RIF1: variants seen among roughly 807,000 people sequenced by gnomAD.
The protein encoded by RIF1 is telomere-associated protein RIF1.
A neutral mutation model predicts 247.1 loss-of-function variants in RIF1; 45 were observed. The ratio of observed to expected loss-of-function variants is 0.18; its 90% CI spans 0.14 to 0.23. The LOEUF (loss-of-function observed/expected upper bound fraction) is 0.23. RIF1 is among the 10% of genes least tolerant of loss of function. The pLI, the probability that RIF1 is intolerant of heterozygous loss-of-function variation, is 1.00. For missense variants in RIF1, 2,967 were observed against 2,862.5 expected (o/e 1.04, Z -0.83); for synonymous variants, 1,087 against 978.8 (o/e 1.11, Z -2.06).
chr2:151,534,226 G>A, the RIF1 span: 2 of 1,613,192 alleles, frequency 1.2e-6, no homozygotes, highest in Non-Finnish European at 1.7e-6. Context: ...TGACTGATCT[G>A]GTCGCCTGCG....
the RIF1 span, among the ~76,000 whole-genome samples, chr2:151,532,325 G>C: frequency 1.3e-5 from 2 of 152,108 alleles, no homozygotes; most frequent in African/African-American, 4.8e-5. Flanking sequence ...ACTAGAACCT[G>C]TTCTCTGGAG....
the RIF1 span, among the ~76,000 whole-genome samples, chr2:151,530,260 G>C: frequency 1.4e-4 from 21 of 152,138 alleles, no homozygotes; most frequent in African/African-American, 4.3e-4. Flanking sequence ...GGTATATGTG[G>C]GTTTGGATAG....
At chr2:151,411,484 C>A in intron 3 of RIF1, 146 bp downstream of exon 3, 1 of 559,760 alleles carries the variant, frequency 1.8e-6, no homozygotes, top group Non-Finnish European at 3.2e-6. Context: ...CTCACTGAAA[C>A]CTCCGCCTCT....
chr2:151,423,602 A>G (rs1035533705), intron 8 of RIF1: 3 of 152,622 alleles, frequency 2.0e-5, no homozygotes, highest in South Asian at 2.1e-4. Flanking sequence ...CAGGTTATAT[A>G]TTGAACAGCT....
chr2:151,437,584 G>A (rs1325837351), intron 13 of RIF1, among the ~76,000 whole-genome samples: 1 of 152,104 alleles, frequency 6.6e-6, no homozygotes, highest in Non-Finnish European at 1.5e-5. Context: ...CCAGCTACTC[G>A]GGAGGCGGAG....
In RIF1 at chr2:151,463,156, A is replaced by G; in HGVS notation, c.3636A>G (p.Pro1212=). The stretch of plus-strand genomic sequence containing the variant: ...ATACCACTGTTGCTGGAACTCCCCC[A>G]TACCCTACAAGTCGGAGGCAAACCT... ...VSNTTVAGTP[P]YPTSRRQTFI... is the part of the protein sequence containing the mutation. Residue 1212 remains proline, a synonymous_variant, in exon 30 of 36, where the codon CCA becomes CCG. Coordinates refer to ENST00000444746, the MANE Select transcript of RIF1 (RefSeq NM_018151.5). 1 of 1,614,142 alleles carries G rather than the reference A, an allele frequency of 6.2e-7. No homozygotes were observed. Among genetic ancestry groups the G allele is most frequent in the Non-Finnish European group, 8.5e-7 (1 of 1,180,004 alleles).
At chr2:151,497,649 G>C in intron 10 of RIF1, 1 of 1,581,316 alleles carries the variant, frequency 6.3e-7, no homozygotes, top group South Asian at 1.2e-5. Context: ...TCTTGATTGT[G>C]TTTGACTCTT....
chr2:151,500,680 T>TTGAC (rs958853270), intron 11 of RIF1, among the ~76,000 whole-genome samples: 3 of 148,072 alleles, frequency 2.0e-5, no homozygotes, highest in African/African-American at 7.4e-5. Flanking sequence ...CACTGCAGCC[T>TTGAC]TGACTTCCTA....
At chr2:151,439,971 T>TAAAAA (rs1451909950) in intron 14 of RIF1, 56 bp from the exon 15 acceptor site, 2 of 363,624 alleles carry the variant, frequency 5.5e-6, no homozygotes, top group African/African-American at 7.0e-5. Flanking sequence ...AGACCCTGTC[T>TAAAAA]CAAAAAAAAA....
intron 9 of RIF1, chr2:151,493,286 GT>G: frequency 8.1e-7 from 1 of 1,235,908 alleles, no homozygotes; most frequent in Admixed American, 2.1e-5. Context: ...AGAAAGGCGT[GT>G]TTTTATGATG....
intron 9 of RIF1, chr2:151,490,047 G>A: frequency 1.2e-6 from 2 of 1,612,616 alleles, no homozygotes; most frequent in Non-Finnish European, 1.7e-6. Flanking sequence ...TCGTTGTTGT[G>A]GGAGCTCTGT....
intron 20 of RIF1, among the ~76,000 whole-genome samples, chr2:151,447,504 T>C (rs573738863): frequency 6.6e-6 from 1 of 152,334 alleles, no homozygotes; most frequent in South Asian, 2.1e-4. Context: ...CTGTCTAGTA[T>C]TCTGTAGTAT....
At chr2:151,471,856 C>CT (rs2048561536) in intron 34 of RIF1, among the ~76,000 whole-genome samples, 1 of 152,098 alleles carries the variant, frequency 6.6e-6, no homozygotes, top group East Asian at 1.9e-4. Flanking sequence ...AATGCGGGCT[C>CT]TTTTTTCGTT....
At chr2:151,441,093 T>A (rs958837090) in intron 15 of RIF1, among the ~76,000 whole-genome samples, 3 of 152,144 alleles carry the variant, frequency 2.0e-5, no homozygotes, top group African/African-American at 7.2e-5. Flanking sequence ...CATGCTGACA[T>A]GCCTCTAGTC....
intron 13 of RIF1, among the ~76,000 whole-genome samples, chr2:151,507,547 C>T (rs1193823960): frequency 6.6e-6 from 1 of 152,216 alleles, no homozygotes; most frequent in Non-Finnish European, 1.5e-5. Flanking sequence ...AGAATCTGAA[C>T]AAACAGCCAT....
intron 20 of RIF1, among the ~76,000 whole-genome samples, chr2:151,446,888 A>G (rs1693367149): frequency 6.6e-6 from 1 of 151,812 alleles, no homozygotes; most frequent in Non-Finnish European, 1.5e-5. Flanking sequence ...TTAGATCTTT[A>G]AATTCAATCC....
downstream of RIF1, among the ~76,000 whole-genome samples, chr2:151,509,222 C>T (rs551129164): frequency 1.3e-5 from 2 of 152,136 alleles, no homozygotes; most frequent in East Asian, 1.9e-4. Context: ...TAAATGGAAG[C>T]GAATTAAAGC....
chr2:151,437,850 A>G (rs920772580), intron 13 of RIF1, among the ~76,000 whole-genome samples: 5 of 152,238 alleles, frequency 3.3e-5, no homozygotes, highest in Admixed American at 2.6e-4. Context: ...CAGGAAGTAC[A>G]TAAGTTATGC....
chr2:151,469,216 C>T (rs1468331355), intron 33 of RIF1, among the ~76,000 whole-genome samples: 1 of 152,120 alleles, frequency 6.6e-6, no homozygotes, highest in Non-Finnish European at 1.5e-5. Flanking sequence ...AACTTAAATG[C>T]GTGCATGTAG....
Sources: gnomAD v4.1 joint callset for allele counts (sites outside exome capture counted in the v4.1 genomes callset) on GRCh38, gnomAD v4.1.1 for gene constraint, MANE v1.5 for transcripts, NCBI Gene and HGNC (gene_info 2026-07-23, HGNC 2026-07-21) for gene names.